The following ZFPM1 variants were observed in gnomAD, a reference collection of about 807,000 sequenced individuals.
The protein encoded by ZFPM1 is zinc finger protein, FOG family member 1.
In ZFPM1, 28 loss-of-function variants were observed where a neutral mutation model predicts 46.3. That is an observed-to-expected ratio of 0.60 (90% CI 0.45 to 0.83). The LOEUF (loss-of-function observed/expected upper bound fraction) is 0.83. Among genes scored for constraint, ZFPM1 ranks in the 40% least tolerant of loss-of-function variants. The pLI is 0.00. For synonymous variants in ZFPM1, 957 were observed against 675.9 expected (o/e 1.42, Z -6.45); for missense variants, 1,878 against 1,432.4 (o/e 1.31, Z -5.02).
chr16:88,462,524 C>T (rs1051440412), intron 1 of ZFPM1, among the ~76,000 whole-genome samples: 1 of 152,210 alleles, frequency 6.6e-6, no homozygotes, highest in Admixed American at 6.5e-5. Flanking sequence ...CAGGGTGACC[C>T]TGCTGTGCCT....
chr16:88,526,788 C>T (rs375757040), intron 4 of ZFPM1, 26 bp from the exon 5 acceptor site: 33 of 1,515,060 alleles, frequency 2.2e-5, no homozygotes, highest in Admixed American at 8.5e-5. Context: ...GACCCCTCCC[C>T]ACGTGTTCCT....
chr16:88,475,997 G>T (rs952953523), intron 1 of ZFPM1, among the ~76,000 whole-genome samples: 2 of 152,160 alleles, frequency 1.3e-5, no homozygotes, highest in Non-Finnish European at 2.9e-5. Flanking sequence ...GGCTGAGGGG[G>T]TGTGGGTGCA....
chr16:88,531,705 T>C (rs1427733811), intron 6 of ZFPM1, among the ~76,000 whole-genome samples: 1 of 152,216 alleles, frequency 6.6e-6, no homozygotes, highest in East Asian at 1.9e-4. Flanking sequence ...TTCTTCCTTC[T>C]GCCCCCATGA....
At chr16:88,467,526 C>G (rs149760006) in intron 1 of ZFPM1, among the ~76,000 whole-genome samples, 25 of 152,386 alleles carry the variant, frequency 1.6e-4, no homozygotes, top group African/African-American at 5.8e-4. Flanking sequence ...GCCAGTCGCC[C>G]TCTCAGAGTC....
intron 3 of ZFPM1, among the ~76,000 whole-genome samples, chr16:88,496,646 C>T (rs930555266): frequency 3.3e-5 from 5 of 151,866 alleles, no homozygotes; most frequent in African/African-American, 1.2e-4. Context: ...CAGGGTGGGC[C>T]ACAGGGGAGA....
At chr16:88,520,458 G>T (rs1300641310) in intron 4 of ZFPM1, among the ~76,000 whole-genome samples, 2 of 150,062 alleles carry the variant, frequency 1.3e-5, no homozygotes, top group Non-Finnish European at 3.0e-5. Flanking sequence ...TAGATGGATG[G>T]TGGATGGATG....
At chr16:88,516,787 T>G in intron 4 of ZFPM1, 1 of 388,694 alleles carries the variant, frequency 2.6e-6, no homozygotes, top group Non-Finnish European at 4.5e-6. Flanking sequence ...CCAGTTTTTC[T>G]TCTCTCTTTG....
At chr16:88,475,420 G>A (rs907264387) in intron 1 of ZFPM1, among the ~76,000 whole-genome samples, 7 of 152,084 alleles carry the variant, frequency 4.6e-5, no homozygotes, top group African/African-American at 1.7e-4. Flanking sequence ...AGAAACTGAG[G>A]CCAGCAAGGG....
At chr16:88,455,423 A>ACCCTCCCTGTCGCTCGCGGC (rs1194072319) in intron 1 of ZFPM1, among the ~76,000 whole-genome samples, 2 of 151,350 alleles carry the variant, frequency 1.3e-5, no homozygotes, top group East Asian at 3.9e-4. Context: ...AGGGCCGCGG[A>ACCCTCCCTGTCGCTCGCGGC]CCCTCCCTGT....
At chr16:88,493,610 TC>T (rs1315406764) in intron 3 of ZFPM1, among the ~76,000 whole-genome samples, 1 of 148,950 alleles carries the variant, frequency 6.7e-6, no homozygotes, top group Non-Finnish European at 1.5e-5. Flanking sequence ...GGGAGAGCTG[TC>T]CCGGGGTACA....
chr16:88,478,254 T>G (rs995425911), intron 1 of ZFPM1, among the ~76,000 whole-genome samples: 1 of 152,148 alleles, frequency 6.6e-6, no homozygotes, highest in South Asian at 2.1e-4. Context: ...GCTCCTGCGC[T>G]GGTTAGGGCT....
At chr16:88,527,918 C>T (rs1912472412) in intron 5 of ZFPM1, 114 bp from the exon 6 acceptor site, 1 of 1,106,744 alleles carries the variant, frequency 9.0e-7, no homozygotes, top group East Asian at 2.8e-5. Context: ...GCCAGCCAGC[C>T]ATGGCTGTGA....
chr16:88,453,804 C>G, intron 1 of ZFPM1, 126 bp downstream of exon 1: 1 of 522,226 alleles, frequency 1.9e-6, no homozygotes, highest in Non-Finnish European at 2.5e-6. Flanking sequence ...CGCGCCGCGC[C>G]CCCCGCGCTG....
In ZFPM1 at chr16:88,534,395, C is replaced by G; in HGVS notation, c.2437C>G (p.Leu813Val). 1 of 1,474,708 alleles carries G rather than the reference C, an allele frequency of 6.8e-7. No homozygotes were observed. The highest frequency in any genetic ancestry group is 1.3e-5 in the South Asian group (1 of 79,774). The allele number at this position is 1,474,708 out of a possible 1,614,324, so 91.4% of individuals were successfully genotyped here. Residue 813 changes from leucine to valine, a missense_variant, in exon 10 of 10, where the codon CTG (leucine) becomes GTG (valine). Coordinates refer to ENST00000319555, the MANE Select transcript of ZFPM1 (RefSeq NM_153813.3). Reference sequence around the variant, plus strand: ...GCTCCCCGGAGCCCCGGCACCGGCGCTGGCCGACTACCACGAGTGCACGGC... The same window carrying G: ...GCTCCCCGGAGCCCCGGCACCGGCGGTGGCCGACTACCACGAGTGCACGGC... ...RPLPGAPAPA[L>V]ADYHECTACR...
In ZFPM1 at chr16:88,503,689, C is replaced by T. The variant is rs115405212; in HGVS notation, c.269-10698C>T. Among the ~76,000 whole-genome samples, 643 of 152,302 alleles carry T rather than the reference C, an allele frequency of 4.2e-3. 7 individuals are homozygous for T. Among genetic ancestry groups the T allele is most frequent in the African/African-American group, 0.015 (606 of 41,536 alleles). ...CTCTGTGGCTTCCCATAAAATCACA[C>T]GTGACTTTTAGAAGAGGAGACACAT... On this transcript the variant is annotated intron_variant, in intron 3 of 9. Coordinates refer to ENST00000319555, the MANE Select transcript of ZFPM1 (RefSeq NM_153813.3).
chr16:88,534,065 C>T lies in ZFPM1; in HGVS notation c.2107C>T (p.Arg703Trp). ...SRHETYTVHK[R>W]YYCASRHDPP... is the part of the protein sequence containing the mutation. ...CCACGAGACCTACACCGTGCACAAG[C>T]GGTACTACTGCGCCTCGCGCCACGA... Residue 703 changes from arginine (R) to tryptophan (W), a missense_variant, in exon 10 of 10, where the codon CGG becomes TGG. Arg to Trp is a moderately radical substitution (Grantham distance 101, BLOSUM62 -3). Coordinates refer to ENST00000319555, the MANE Select transcript of ZFPM1 (RefSeq NM_153813.3). 1 of 1,283,820 alleles carries T rather than the reference C, an allele frequency of 7.8e-7. No individual in the cohort carries two copies. The highest frequency in any genetic ancestry group is 5.7e-5 in the East Asian group (1 of 17,502). The allele number at this position is 1,283,820 out of a possible 1,614,324, so 79.5% of individuals were successfully genotyped here.
intron 3 of ZFPM1, among the ~76,000 whole-genome samples, chr16:88,491,912 CCGT>C (rs1909600964): frequency 1.3e-5 from 2 of 152,172 alleles, no homozygotes; most frequent in Non-Finnish European, 2.9e-5. Flanking sequence ...TCGGGGCGGC[CCGT>C]GCGTCGATGG....
intron 1 of ZFPM1, among the ~76,000 whole-genome samples, chr16:88,457,534 C>T (rs550025161): frequency 2.5e-4 from 38 of 152,368 alleles, no homozygotes; most frequent in Non-Finnish European, 1.5e-5. Flanking sequence ...AGTCACCATC[C>T]TGAGGGGAAC....
At chr16:88,461,499 T>C (rs1167557998) in intron 1 of ZFPM1, among the ~76,000 whole-genome samples, 1 of 152,166 alleles carries the variant, frequency 6.6e-6, no homozygotes, top group Non-Finnish European at 1.5e-5. Context: ...CCAGTGGCTG[T>C]ATCTGGGGCC....
Sources: allele counts gnomAD v4.1 joint callset (sites outside exome capture counted in the v4.1 genomes callset), GRCh38; gene constraint gnomAD v4.1.1; transcripts MANE v1.5; gene names NCBI Gene and HGNC (gene_info 2026-07-23, HGNC 2026-07-21).